VEPH1: variants seen among roughly 807,000 people sequenced by gnomAD.
VEPH1 encodes the protein ventricular zone-expressed PH domain-containing protein homolog 1.
A neutral mutation model predicts 85.2 loss-of-function variants in VEPH1; 80 were observed. The observed-to-expected ratio is 0.94, with a 90% CI of 0.78 to 1.13. The LOEUF (loss-of-function observed/expected upper bound fraction) is 1.13. VEPH1 is among the 50% of genes most tolerant of loss of function. VEPH1 has a pLI of 0.00. For synonymous variants in VEPH1, 297 were observed against 348.0 expected (o/e 0.85, Z 1.63); for missense variants, 955 against 980.5 (o/e 0.97, Z 0.35).
chr3:157,428,212 A>T, intron 5 of VEPH1, 110 bp downstream of exon 5: 2 of 1,190,430 alleles, frequency 1.7e-6, no homozygotes, highest in Non-Finnish European at 2.3e-6. Flanking sequence ...ACTTAAAAAA[A>T]TGGGCATTTG....
At chr3:157,500,736 A>G (rs1471837993) in intron 1 of VEPH1, among the ~76,000 whole-genome samples, 1 of 151,954 alleles carries the variant, frequency 6.6e-6, no homozygotes, top group African/African-American at 2.4e-5. Flanking sequence ...ATCCAGTTTT[A>G]TTTTTTTAAA....
rs144601318 is a variant in VEPH1 at position 157,384,615 on chromosome 3, G to A, written c.907-3239C>T. Reference sequence around the variant, plus strand: ...GAAATCAACATAATTCTGAATGATCGCTGGCAGCCAACTGAGTTGAAGGGA... The same window carrying A: ...GAAATCAACATAATTCTGAATGATCACTGGCAGCCAACTGAGTTGAAGGGA... On this transcript the variant is annotated intron_variant, in intron 6 of 13. Transcript: ENST00000362010. Among the ~76,000 whole-genome samples the A allele has an allele frequency of 9.1e-4, 138 of 152,256 alleles. 1 individual carries two copies. The highest frequency in any genetic ancestry group is 3.1e-3 in the African/African-American group (127 of 41,546).
At chr3:157,456,518 G>C (rs970385429) in intron 4 of VEPH1, among the ~76,000 whole-genome samples, 1 of 152,172 alleles carries the variant, frequency 6.6e-6, no homozygotes, top group Non-Finnish European at 1.5e-5. Context: ...TTACATTTAA[G>C]TATTTAATCC....
chr3:157,469,317 C>G (rs189908130), intron 3 of VEPH1, among the ~76,000 whole-genome samples: 1 of 152,202 alleles, frequency 6.6e-6, no homozygotes, highest in East Asian at 1.9e-4. Flanking sequence ...TCATAAACAA[C>G]TGTGGGAAAA....
intron 5 of VEPH1, 70 bp downstream of exon 5, chr3:157,428,251 AC>A: frequency 6.5e-7 from 1 of 1,535,424 alleles, no homozygotes; most frequent in Non-Finnish European, 8.9e-7. Flanking sequence ...AATCCTAAGC[AC>A]ATACGCTGTT....
intron 4 of VEPH1, among the ~76,000 whole-genome samples, chr3:157,439,584 A>G (rs1419417924): frequency 6.6e-6 from 1 of 152,210 alleles, no homozygotes; most frequent in Non-Finnish European, 1.5e-5. Context: ...AAAATAGCCA[A>G]CATGCGGTTC....
At chr3:157,502,115 A>T (rs1740161982) in intron 1 of VEPH1, among the ~76,000 whole-genome samples, 1 of 152,140 alleles carries the variant, frequency 6.6e-6, no homozygotes, top group Non-Finnish European at 1.5e-5. Context: ...GTGCTGCTAC[A>T]CTTCACTTCT....
chr3:157,499,760 TG>T, intron 1 of VEPH1: 1 of 151,794 alleles, frequency 6.6e-6, no homozygotes, highest in Non-Finnish European at 1.5e-5. Flanking sequence ...CAGGGAAGAA[TG>T]GGGGGCGGGG....
chr3:157,341,396 G>A (rs1331412731), intron 9 of VEPH1, among the ~76,000 whole-genome samples: 2 of 152,168 alleles, frequency 1.3e-5, no homozygotes, highest in African/African-American at 2.4e-5. Flanking sequence ...TTCAGTAGCC[G>A]ATTCAATCAA....
intron 6 of VEPH1, among the ~76,000 whole-genome samples, chr3:157,411,241 A>G (rs956061957): frequency 1.3e-5 from 2 of 152,102 alleles, no homozygotes; most frequent in African/African-American, 4.8e-5. Context: ...CTCTAGAGAG[A>G]TTGCCTTCTA....
rs375189424 is a variant in VEPH1 at position 157,458,870 on chromosome 3, A to T, written c.529+1311T>A. Among the ~76,000 whole-genome samples, 7 of 152,162 alleles carry T rather than the reference A, an allele frequency of 4.6e-5. No homozygotes were observed. The East Asian group carries it at 9.6e-4, about 21-fold the overall frequency. On this transcript the variant is annotated intron_variant, in intron 4 of 13. Transcript: ENST00000362010. The stretch of plus-strand genomic sequence containing the variant: ...CAGTTATCCTAGCACCATTTGTTGA[A>T]TAGGGAGTCCTTCCCCCACTGATTA...
At chr3:157,324,709 T>C (rs955066678) in intron 9 of VEPH1, among the ~76,000 whole-genome samples, 3 of 152,088 alleles carry the variant, frequency 2.0e-5, no homozygotes, top group South Asian at 2.1e-4. Context: ...ATGGTGTATA[T>C]GTACCAAATT....
chr3:157,372,743 C>A (rs1312187765), intron 7 of VEPH1, among the ~76,000 whole-genome samples: 1 of 151,788 alleles, frequency 6.6e-6, no homozygotes, highest in African/African-American at 2.4e-5. Context: ...TGTCACAGAC[C>A]AATATTTTTG....
At chr3:157,304,023 T>TATATATATATATATATATA in intron 11 of VEPH1, among the ~76,000 whole-genome samples, 1 of 89,134 alleles carries the variant, frequency 1.1e-5, no homozygotes, top group East Asian at 4.0e-4. Flanking sequence ...CTTATATTTT[T>TATATATATATATATATATA]TATATATATA....
At chr3:157,469,118 G>A (rs1736676834) in intron 3 of VEPH1, among the ~76,000 whole-genome samples, 1 of 152,148 alleles carries the variant, frequency 6.6e-6, no homozygotes, top group South Asian at 2.1e-4. Context: ...AAGAGCAAAT[G>A]CACTGGGTCT....
At chr3:157,464,667 A>G (rs746451575) in intron 3 of VEPH1, among the ~76,000 whole-genome samples, 5 of 152,196 alleles carry the variant, frequency 3.3e-5, no homozygotes, top group Non-Finnish European at 7.4e-5. Flanking sequence ...ATTAGCACCA[A>G]TTTGAACTTT....
rs759540787 is a variant in VEPH1 at position 157,261,231 on chromosome 3, T to A, written c.2405A>T (p.Lys802Met). The change falls in exon 14 of 14, where the codon AAG (lysine) becomes ATG (methionine). Residue 802 changes from lysine to methionine, a missense_variant. By Grantham distance (95) the Lys-to-Met change is moderately conservative (BLOSUM62 -1). Coordinates refer to ENST00000362010, the MANE Select transcript of VEPH1 (RefSeq NM_001167912.2). ...CCATTCTTCTGCATTCTTCTCATCC[T>A]TGGCCTTAAAGACATAGGTTTTATT... The part of the protein sequence containing the change: ...TDNKTYVFKA[K>M]DEKNAEEWLQ... 8.1e-6 allele frequency: 13 copies of A among 1,613,846 alleles called. No individual in the cohort carries two copies. The South Asian group carries it at 1.1e-4, about 14-fold the overall frequency.
At chr3:157,447,984 T>C (rs1164569377) in intron 4 of VEPH1, among the ~76,000 whole-genome samples, 1 of 152,136 alleles carries the variant, frequency 6.6e-6, no homozygotes, top group African/African-American at 2.4e-5. Context: ...ATGATGATGA[T>C]GATGATGATA....
At chr3:157,377,069 G>A (rs1728205998) in intron 7 of VEPH1, among the ~76,000 whole-genome samples, 1 of 152,160 alleles carries the variant, frequency 6.6e-6, no homozygotes, top group East Asian at 1.9e-4. Context: ...CCATTCCAGA[G>A]AGGATGAGCC....
Sources: gnomAD v4.1 joint callset for allele counts (sites outside exome capture counted in the v4.1 genomes callset) on GRCh38, gnomAD v4.1.1 for gene constraint, MANE v1.5 for transcripts, NCBI Gene and HGNC (gene_info 2026-07-23, HGNC 2026-07-21) for gene names.